Variants in GLT8D2 observed in about 807,000 individuals in gnomAD.
The protein encoded by GLT8D2 is glycosyltransferase 8 domain-containing protein 2.
In GLT8D2, 45 loss-of-function variants were observed where a neutral mutation model predicts 44.5. The observed-to-expected ratio is 1.01, with a 90% CI of 0.80 to 1.30. The LOEUF (loss-of-function observed/expected upper bound fraction) is 1.30, where lower values mean the gene tolerates loss of function less well. GLT8D2 is among the 50% of genes most tolerant of loss of function. The pLI is 0.00. For synonymous variants in GLT8D2, 156 were observed against 157.2 expected, an observed-to-expected ratio of 0.99 and a Z score of 0.06; for missense variants, 400 against 430.4, an observed-to-expected ratio of 0.93 and a Z score of 0.62.
At chr12:103,994,264 T>C in intron 9 of GLT8D2, 71 bp downstream of exon 9, 1 of 1,428,492 alleles carries the variant, frequency 7.0e-7, no homozygotes, top group Non-Finnish European at 9.6e-7. Flanking sequence ...ACCCTTGAAC[T>C]ATGTGTGGAA....
At chr12:103,995,613 T>G (rs1275404066) in intron 8 of GLT8D2, among the ~76,000 whole-genome samples, 1 of 152,260 alleles carries the variant, frequency 6.6e-6, no homozygotes, top group Non-Finnish European at 1.5e-5. Flanking sequence ...CCCACTAGAA[T>G]GTGAAATACA....
chr12:104,008,798 C>T (rs1361402064), intron 4 of GLT8D2, among the ~76,000 whole-genome samples: 1 of 152,244 alleles, frequency 6.6e-6, no homozygotes, highest in Admixed American at 6.5e-5. Flanking sequence ...CCCAGCCACT[C>T]CAGCCATGGC....
intron 3 of GLT8D2, among the ~76,000 whole-genome samples, chr12:104,016,762 AGAAAGAAAGAAAGAAGGAAG>A (rs1266999415): frequency 1.7e-3 from 159 of 91,394 alleles, no homozygotes; most frequent in South Asian, 5.8e-3. Flanking sequence ...AAAGAAAGAA[AGAAAGAAAGAAAGAAGGAAG>A]GAAGGAAGGA....
At chr12:104,004,285 C>A (rs528733896) in intron 4 of GLT8D2, among the ~76,000 whole-genome samples, 133 of 152,286 alleles carry the variant, frequency 8.7e-4, no homozygotes, top group Admixed American at 2.7e-3. Context: ...ACTGAATGGG[C>A]AAAAGCTGAA....
At chr12:104,062,585 A>T in intron 1 of GLT8D2, among the ~76,000 whole-genome samples, 1 of 152,170 alleles carries the variant, frequency 6.6e-6, no homozygotes, top group Non-Finnish European at 1.5e-5. Context: ...AATCTGAGGT[A>T]GGGATTTAAA....
At chr12:104,010,649 G>A (rs1593539596) in intron 4 of GLT8D2, among the ~76,000 whole-genome samples, 3 of 152,230 alleles carry the variant, frequency 2.0e-5, no homozygotes, top group Admixed American at 1.3e-4. Context: ...TTTTCAATAC[G>A]ATCTGAATAG....
intron 4 of GLT8D2, among the ~76,000 whole-genome samples, chr12:104,004,350 A>G (rs1369096438): frequency 6.6e-6 from 1 of 152,192 alleles, no homozygotes; most frequent in East Asian, 1.9e-4. Context: ...CACCACTCCT[A>G]TTCAACACAG....
chr12:103,989,452 C>T lies in GLT8D2; in HGVS notation c.1006G>A (p.Val336Ile). The T allele has an allele frequency of 5.6e-6, 9 of 1,613,648 alleles. No individual in the cohort carries two copies. The highest frequency in any genetic ancestry group is 7.6e-6 in the Non-Finnish European group (9 of 1,179,780). ...TTAAATATCCCTGCAGGGTCAGGAACAAACCAGCTTTCCCATAAGTCGTTG... is the reference window on the plus strand; with the variant it reads ...TTAAATATCCCTGCAGGGTCAGGAATAAACCAGCTTTCCCATAAGTCGTTG... ...VHNDLWESWFVPDPAGIFKLN... is the reference protein window; with the variant it reads ...VHNDLWESWFIPDPAGIFKLN... The change falls in exon 11 of 11, where the codon GTT becomes ATT. Residue 336 changes from valine (V) to isoleucine (I), a missense_variant. Coordinates refer to ENST00000360814, the MANE Select transcript of GLT8D2 (RefSeq NM_001384711.1).
intron 3 of GLT8D2, among the ~76,000 whole-genome samples, chr12:104,017,873 C>G (rs1435578150): frequency 1.3e-5 from 2 of 152,212 alleles, no homozygotes; most frequent in Admixed American, 6.5e-5. Flanking sequence ...TAATAATAAG[C>G]ATTACCTCGC....
At chr12:104,010,338 T>G (rs1875670726) in intron 4 of GLT8D2, among the ~76,000 whole-genome samples, 1 of 152,216 alleles carries the variant, frequency 6.6e-6, no homozygotes, top group South Asian at 2.1e-4. Flanking sequence ...TGATGTTCCT[T>G]CCCAATGCCT....
intron 4 of GLT8D2, chr12:104,014,157 A>G: frequency 3.4e-6 from 2 of 591,770 alleles, no homozygotes; most frequent in East Asian, 5.7e-5. Flanking sequence ...TGAGCCCAGG[A>G]GTTCAAGATG....
intron 1 of GLT8D2, among the ~76,000 whole-genome samples, chr12:104,042,370 C>G (rs1054205925): frequency 6.6e-6 from 1 of 152,192 alleles, no homozygotes; most frequent in Non-Finnish European, 1.5e-5. Flanking sequence ...CTTATGTCAT[C>G]GAACTGCTGA....
intron 1 of GLT8D2, among the ~76,000 whole-genome samples, chr12:104,038,499 T>C (rs1880171111): frequency 6.6e-6 from 1 of 151,946 alleles, no homozygotes; most frequent in African/African-American, 2.4e-5. Flanking sequence ...TATACACCAA[T>C]AACAGACAAA....
chr12:104,013,340 G>GT (rs894187057), intron 4 of GLT8D2, among the ~76,000 whole-genome samples: 1 of 151,734 alleles, frequency 6.6e-6, no homozygotes, highest in African/African-American at 2.4e-5. Flanking sequence ...ATTTAGCATA[G>GT]TTTTTTTTCA....
intron 1 of GLT8D2, among the ~76,000 whole-genome samples, chr12:104,028,065 C>T (rs1441119257): frequency 1.3e-5 from 2 of 152,164 alleles, no homozygotes; most frequent in African/African-American, 4.8e-5. Flanking sequence ...TCATCTTTCC[C>T]CGTCCAGTGT....
intron 4 of GLT8D2, among the ~76,000 whole-genome samples, chr12:104,007,266 C>CTCTCTCTCTCTCTCTCTCTCTCTA (rs1555277856): frequency 7.5e-6 from 1 of 133,348 alleles, no homozygotes; most frequent in East Asian, 2.2e-4. Flanking sequence ...CTCTCTCTCT[C>CTCTCTCTCTCTCTCTCTCTCTCTA]CCCCCGCTCT....
At chr12:103,995,203 C>T (rs1018611701) in intron 8 of GLT8D2, among the ~76,000 whole-genome samples, 2 of 152,216 alleles carry the variant, frequency 1.3e-5, no homozygotes, top group African/African-American at 2.4e-5. Flanking sequence ...CCACCCCACT[C>T]TGTCTCTAGG....
chr12:104,036,130 A>T (rs1879903976), intron 1 of GLT8D2, among the ~76,000 whole-genome samples: 1 of 152,234 alleles, frequency 6.6e-6, no homozygotes, highest in Non-Finnish European at 1.5e-5. Flanking sequence ...TGTCACCACC[A>T]GGCTTGCCTT....
At chr12:104,009,795 C>A (rs1303349529) in intron 4 of GLT8D2, among the ~76,000 whole-genome samples, 2 of 152,174 alleles carry the variant, frequency 1.3e-5, no homozygotes, top group Non-Finnish European at 2.9e-5. Flanking sequence ...GAATAAGTCT[C>A]ATGAGATCTG....
Sources: gnomAD v4.1 joint callset for allele counts (sites outside exome capture counted in the v4.1 genomes callset) on GRCh38, gnomAD v4.1.1 for gene constraint, MANE v1.5 for transcripts, NCBI Gene and HGNC (gene_info 2026-07-23, HGNC 2026-07-21) for gene names.